Variants in EVC observed in about 807,000 individuals in gnomAD.
EVC encodes EvC ciliary complex subunit 1.
EVC carries 116 observed loss-of-function variants against 118.9 expected under a neutral mutation model. The ratio of observed to expected loss-of-function variants is 0.98; its 90% CI spans 0.84 to 1.14. The LOEUF (loss-of-function observed/expected upper bound fraction) is 1.14, where lower values mean the gene tolerates loss of function less well. Ranked by LOEUF, EVC falls within the 50% of genes most tolerant of loss-of-function variation. The pLI is 0.00. For synonymous variants in EVC, 619 were observed against 534.7 expected (o/e 1.16, Z -2.18); for missense variants, 1,401 against 1,246.4 (o/e 1.12, Z -1.87).
At chr4:5,748,400 G>A in intron 8 of EVC, 94 bp downstream of exon 8, 2 of 1,377,630 alleles carry the variant, frequency 1.5e-6, no homozygotes, top group Non-Finnish European at 2.0e-6. Context: ...ACAGATTCAT[G>A]TTGTAGCTGG....
chr4:5,727,301 T>C (rs9760115), intron 2 of EVC, among the ~76,000 whole-genome samples: 8,458 of 152,312 alleles, frequency 0.056, 803 homozygotes, highest in African/African-American at 0.19. Context: ...GTGGTTTTGA[T>C]GTGCATTTCT....
intron 11 of EVC, among the ~76,000 whole-genome samples, chr4:5,757,869 T>C (rs1208830384): frequency 2.7e-5 from 4 of 147,152 alleles, no homozygotes; most frequent in Non-Finnish European, 5.9e-5. Flanking sequence ...ACATGGGATA[T>C]TGGAGGTTAG....
intron 11 of EVC, among the ~76,000 whole-genome samples, chr4:5,783,274 G>A (rs1385356535): frequency 2.0e-5 from 3 of 152,048 alleles, no homozygotes; most frequent in African/African-American, 7.2e-5. Flanking sequence ...GCCTGTGTCT[G>A]CATGCATATG....
At chr4:5,822,717 G>A in the EVC span, among the ~76,000 whole-genome samples, 2 of 152,186 alleles carry the variant, frequency 1.3e-5, no homozygotes, top group Non-Finnish European at 2.9e-5. Flanking sequence ...TGAGCCGGCG[G>A]AACTGAGGAA....
In EVC at chr4:5,811,479, G is replaced by C. The variant is rs1716900839; in HGVS notation, c.*442G>C. ...TTCTCTGAGGACACTTAGAATATGA[G>C]GAAGAGGGTGTGGCCCAACCCTCAC... On this transcript the variant is annotated 3_prime_UTR_variant, in exon 21 of 21. Coordinates refer to ENST00000264956, the MANE Select transcript of EVC (RefSeq NM_153717.3). 4.4e-6 allele frequency: 1 copy of C among 228,352 alleles called. No homozygotes were observed. Among genetic ancestry groups the C allele is most frequent in the Non-Finnish European group, 8.7e-6 (1 of 115,100 alleles). 14.1% of individuals were successfully genotyped at this position (228,352 alleles called of 1,614,324 possible).
chr4:5,758,302 T>C, intron 11 of EVC: 1 of 565,204 alleles, frequency 1.8e-6, no homozygotes, highest in Non-Finnish European at 3.1e-6. Flanking sequence ...AACTTCGTTG[T>C]CTTAATGCAC....
chr4:5,802,636 C>T (rs771733220), intron 16 of EVC, among the ~76,000 whole-genome samples: 1 of 152,164 alleles, frequency 6.6e-6, no homozygotes, highest in Non-Finnish European at 1.5e-5. Flanking sequence ...GAGAGCGGCA[C>T]ATCATCAGGC....
chr4:5,762,591 A>G (rs1449575420), intron 11 of EVC, among the ~76,000 whole-genome samples: 2 of 149,512 alleles, frequency 1.3e-5, no homozygotes, highest in East Asian at 4.0e-4. Flanking sequence ...AATGATTGCC[A>G]TTCTGACTGG....
At chr4:5,806,397 T>C (rs1467344489) in intron 17 of EVC, among the ~76,000 whole-genome samples, 1 of 152,226 alleles carries the variant, frequency 6.6e-6, no homozygotes, top group Non-Finnish European at 1.5e-5. Flanking sequence ...CTACTCGCTG[T>C]GTCCATGTGC....
chr4:5,785,295 G>T (rs971175097), intron 12 of EVC, among the ~76,000 whole-genome samples: 3 of 152,188 alleles, frequency 2.0e-5, no homozygotes, highest in Non-Finnish European at 4.4e-5. Context: ...ACAGCCCTGA[G>T]CCCCTGGCAG....
At chr4:5,784,606 ATTTTTTTTTTTTT>A (rs35237111) in intron 12 of EVC, among the ~76,000 whole-genome samples, 3 of 111,218 alleles carry the variant, frequency 2.7e-5, no homozygotes, top group African/African-American at 7.1e-5. Context: ...ATACACATTG[ATTTTTTTTTTTTT>A]TTTTTTTTTG....
chr4:5,800,261 C>G (rs1714727411), intron 15 of EVC, among the ~76,000 whole-genome samples: 1 of 152,304 alleles, frequency 6.6e-6, no homozygotes, highest in East Asian at 1.9e-4. Flanking sequence ...AGCAGACTCA[C>G]TTGAATCTGG....
In EVC at chr4:5,729,224, G is replaced by T. The variant is rs950870801; in HGVS notation, c.301-83G>T. 3 of 1,248,852 alleles carry T rather than the reference G, an allele frequency of 2.4e-6. No individual in the cohort carries two copies. In the South Asian group the frequency reaches 3.6e-5, roughly 15 times the overall value. 77.4% of individuals were successfully genotyped at this position (1,248,852 alleles called of 1,614,324 possible). A position where few individuals can be genotyped will look rare whatever the true frequency, so the allele number is the denominator to read the frequency against. On this transcript the variant is annotated intron_variant, in intron 2 of 20. Transcript: ENST00000264956. Reference sequence around the variant, plus strand: ...TTTCTGAGGCTGCTATTACAAATGGGATGTGGCATTTTGGAAAAACTTGAC... The same window carrying T: ...TTTCTGAGGCTGCTATTACAAATGGTATGTGGCATTTTGGAAAAACTTGAC...
intron 16 of EVC, among the ~76,000 whole-genome samples, chr4:5,803,705 AC>A (rs2152369784): frequency 6.6e-6 from 1 of 152,306 alleles, no homozygotes; most frequent in East Asian, 1.9e-4. Context: ...TAAGAGTTGT[AC>A]ATGCTATGTC....
chr4:5,821,646 TC>T, the EVC span: 6 of 967,260 alleles, frequency 6.2e-6, no homozygotes, highest in Admixed American at 2.4e-5. This position sits in a 1 kb window ranked among gnomAD's most constrained non-coding sequence, Gnocchi z 4.4. Context: ...TCCTTCGACT[TC>T]CCCCTCCCTC....
At chr4:5,810,894 GCAT>G in intron 20 of EVC, 56 bp from the exon 21 acceptor site, 1 of 1,446,338 alleles carries the variant, frequency 6.9e-7, no homozygotes, top group South Asian at 1.2e-5. Context: ...GTAAGTTATG[GCAT>G]CATGATGGGC....
At chr4:5,735,930 G>A (rs1171698519) in intron 5 of EVC, among the ~76,000 whole-genome samples, 2 of 152,162 alleles carry the variant, frequency 1.3e-5, no homozygotes, top group Admixed American at 6.5e-5. Flanking sequence ...CTGGTGAGCC[G>A]CTGGGAGCTG....
At chr4:5,822,783 C>G in the EVC span, among the ~76,000 whole-genome samples, 1 of 152,162 alleles carries the variant, frequency 6.6e-6, no homozygotes, top group Non-Finnish European at 1.5e-5. Flanking sequence ...TGGTCTACAA[C>G]ACAGCCTTCC....
intron 11 of EVC, among the ~76,000 whole-genome samples, chr4:5,775,765 T>C (rs965448808): frequency 6.6e-6 from 1 of 152,176 alleles, no homozygotes; most frequent in African/African-American, 2.4e-5. Context: ...TGTGTGTACA[T>C]ATTTTTCTTG....
Sources: gnomAD v4.1 joint callset for allele counts (sites outside exome capture counted in the v4.1 genomes callset) on GRCh38, gnomAD v4.1.1 for gene constraint, Gnocchi (gnomAD v3.1) non-coding constraint, MANE v1.5 for transcripts, NCBI Gene and HGNC (gene_info 2026-07-23, HGNC 2026-07-21) for gene names.